The following CNTN4 variants were observed in gnomAD, a reference collection of about 807,000 sequenced individuals.
CNTN4 encodes the protein contactin-4.
In CNTN4, 77 loss-of-function variants were observed where a neutral mutation model predicts 122.5. That is an observed-to-expected ratio of 0.63 (90% CI 0.52 to 0.76). The LOEUF is 0.76. CNTN4 is among the 30% of genes least tolerant of loss of function. CNTN4 has a pLI of 0.00. For synonymous variants in CNTN4, 512 were observed against 447.0 expected (o/e 1.15, Z -1.83); for missense variants, 1,256 against 1,259.1 (o/e 1.00, Z 0.04).
chr3:2,581,454 A>G (rs892787215), intron 4 of CNTN4, among the ~76,000 whole-genome samples: 3 of 152,202 alleles, frequency 2.0e-5, no homozygotes, highest in Non-Finnish European at 4.4e-5. Flanking sequence ...CTGAGAGCAC[A>G]CTAACATGGT....
rs1399558921 is a variant in CNTN4, at chr3:2,818,353, C to A, written c.359-1133C>A. Among the ~76,000 whole-genome samples the A allele has an allele frequency of 2.6e-5, 4 of 151,972 alleles. No individual in the cohort carries two copies. In the South Asian group the frequency reaches 8.3e-4, roughly 32 times the overall value. ...AGTGTAGAAACATTCCAATTTGTAA[C>A]TGCAGCCTTCCCAATTGTTGTTAGG... On this transcript the variant is annotated intron_variant, in intron 6 of 24. Coordinates refer to ENST00000418658, the MANE Select transcript of CNTN4 (RefSeq NM_175607.3).
At chr3:2,913,466 G>A (rs1341929352) in intron 12 of CNTN4, among the ~76,000 whole-genome samples, 1 of 152,066 alleles carries the variant, frequency 6.6e-6, no homozygotes, top group African/African-American at 2.4e-5. Flanking sequence ...AAAGAATAGA[G>A]GAAAATAATC....
chr3:2,257,235 T>C (rs558389689), intron 2 of CNTN4, among the ~76,000 whole-genome samples: 15 of 152,312 alleles, frequency 9.8e-5, no homozygotes, highest in South Asian at 2.1e-4. Context: ...TGGCTAGCCA[T>C]AGGCAGAAAA....
At chr3:2,725,311 A>G (rs779310067) in intron 4 of CNTN4, among the ~76,000 whole-genome samples, 1 of 152,120 alleles carries the variant, frequency 6.6e-6, no homozygotes, top group African/African-American at 2.4e-5. Context: ...CAACATTCTA[A>G]TGCATATGCC....
intron 7 of CNTN4, among the ~76,000 whole-genome samples, chr3:2,821,836 G>A (rs1412526396): frequency 1.3e-5 from 2 of 152,146 alleles, no homozygotes; most frequent in Non-Finnish European, 2.9e-5. Context: ...TCTTGTTATT[G>A]CCTTAATTTT....
intron 3 of CNTN4, among the ~76,000 whole-genome samples, chr3:2,516,022 G>C (rs2077030347): frequency 6.6e-6 from 1 of 151,996 alleles, no homozygotes; most frequent in African/African-American, 2.4e-5. Flanking sequence ...TCTTATTTCA[G>C]ATCAGGGTAG....
At chr3:2,565,669 A>G (rs1377235914) in intron 3 of CNTN4, among the ~76,000 whole-genome samples, 1 of 152,230 alleles carries the variant, frequency 6.6e-6, no homozygotes, top group South Asian at 2.1e-4. Context: ...AATCATGGAC[A>G]TTCAACAAAT....
chr3:2,316,827 A>G (rs1305133752), intron 2 of CNTN4, among the ~76,000 whole-genome samples: 1 of 152,168 alleles, frequency 6.6e-6, no homozygotes, highest in East Asian at 1.9e-4. Flanking sequence ...TTGCCAGTTG[A>G]CAGGTTTCAT....
chr3:2,233,569 T>G (rs1379737420), intron 2 of CNTN4, among the ~76,000 whole-genome samples: 4 of 152,254 alleles, frequency 2.6e-5, no homozygotes, highest in African/African-American at 9.6e-5. Flanking sequence ...TGAACCAGGA[T>G]AGGCATAGAT....
rs373284945 is a variant in CNTN4 at position 2,438,033 on chromosome 3, A to G, written c.-89+98800A>G. 3.9e-5 allele frequency among the ~76,000 whole-genome samples: 6 copies of G among 152,288 alleles called. No individual in the cohort carries two copies. In the South Asian group the frequency reaches 8.3e-4, roughly 21 times the overall value. ...GAGGGGATGCCCTGCCTCCAGCCAG[A>G]GTGGTTTTGCCTACCTTACCTTCTA... On this transcript the variant is annotated intron_variant, in intron 3 of 24. Coordinates refer to ENST00000418658, the MANE Select transcript of CNTN4 (RefSeq NM_175607.3).
intron 13 of CNTN4, among the ~76,000 whole-genome samples, chr3:2,986,846 G>C (rs575534530): frequency 6.6e-6 from 1 of 152,150 alleles, no homozygotes; most frequent in Admixed American, 6.5e-5. Context: ...CTGTGTACTA[G>C]ACCCAGGAGG....
chr3:2,844,813 C>A (rs574930695), intron 7 of CNTN4, among the ~76,000 whole-genome samples: 5 of 152,322 alleles, frequency 3.3e-5, no homozygotes, highest in Non-Finnish European at 4.4e-5. Context: ...GAGGCTCTCT[C>A]AACCCACCAC....
At chr3:2,373,056 A>C (rs2045689966) in intron 3 of CNTN4, among the ~76,000 whole-genome samples, 1 of 152,144 alleles carries the variant, frequency 6.6e-6, no homozygotes, top group Non-Finnish European at 1.5e-5. Flanking sequence ...CAAAAATCAT[A>C]ATAAAATAAG....
rs184527518 is a variant in CNTN4 at position 2,803,138 on chromosome 3, C to T, written c.359-16348C>T. Among the ~76,000 whole-genome samples, 632 of 152,266 alleles carry T rather than the reference C, an allele frequency of 4.2e-3. 5 individuals are homozygous for T. The highest frequency in any genetic ancestry group is 6.6e-3 in the Non-Finnish European group (450 of 68,004). On this transcript the variant is annotated intron_variant, in intron 6 of 24. Coordinates refer to ENST00000418658, the MANE Select transcript of CNTN4 (RefSeq NM_175607.3). Reference sequence around the variant, plus strand: ...TATATAACTGGGTAAATGATATGAACTGGCATTTTCAGAATGATTAAATGT... The same window carrying T: ...TATATAACTGGGTAAATGATATGAATTGGCATTTTCAGAATGATTAAATGT...
chr3:2,177,909 A>G lies in CNTN4; in HGVS notation c.-145+77270A>G, dbSNP rs557789835. Among the ~76,000 whole-genome samples the G allele has an allele frequency of 3.3e-5, 5 of 152,166 alleles. No homozygotes were observed. The South Asian group carries it at 1.0e-3, about 32-fold the overall frequency. ...AGGTGACGCATAAAATTTAACCATC[A>G]CAATTGCCTTGCTTTTCTTTCTCTA... On this transcript the variant is annotated intron_variant, in intron 2 of 24. Transcript: ENST00000418658.
At chr3:2,824,955 A>C (rs897344086) in intron 7 of CNTN4, among the ~76,000 whole-genome samples, 2 of 152,118 alleles carry the variant, frequency 1.3e-5, no homozygotes, top group African/African-American at 4.8e-5. Context: ...GAGCCACTGC[A>C]CTGGCCAATT....
intron 2 of CNTN4, among the ~76,000 whole-genome samples, chr3:2,336,227 G>A (rs976517865): frequency 6.6e-6 from 1 of 152,080 alleles, no homozygotes; most frequent in Admixed American, 6.6e-5. Flanking sequence ...TTTATTTGGG[G>A]GGGGGAGGTG....
At chr3:2,644,652 T>C (rs946395810) in intron 4 of CNTN4, among the ~76,000 whole-genome samples, 17 of 150,892 alleles carry the variant, frequency 1.1e-4, no homozygotes, top group African/African-American at 3.7e-4. Flanking sequence ...TGGATTAGAC[T>C]CACCATGCCC....
At chr3:2,368,427 A>G (rs76469930) in intron 3 of CNTN4, among the ~76,000 whole-genome samples, 18,026 of 152,064 alleles carry the variant, frequency 0.12, 1,295 homozygotes, top group Non-Finnish European at 0.16. Context: ...CCATTTACGT[A>G]GGTCAATTGG....
Sources: gnomAD v4.1 joint callset for allele counts (sites outside exome capture counted in the v4.1 genomes callset) on GRCh38, gnomAD v4.1.1 for gene constraint, MANE v1.5 for transcripts, NCBI Gene and HGNC (gene_info 2026-07-23, HGNC 2026-07-21) for gene names.